Variants in PAX3 observed in about 807,000 individuals in gnomAD.
The protein encoded by PAX3 is paired box protein Pax-3.
In PAX3, 14 loss-of-function variants were observed where a neutral mutation model predicts 51.6. That is an observed-to-expected ratio of 0.27 (90% confidence interval 0.18 to 0.42). PAX3 has a LOEUF of 0.42. Ranked by LOEUF, PAX3 falls within the 10% of genes least tolerant of loss-of-function variation. The pLI is 1.00. For synonymous variants in PAX3, 280 were observed against 253.4 expected (o/e 1.11, Z -1.00); for missense variants, 540 against 642.8 (o/e 0.84, Z 1.73).
chr2:222,225,091 G>C (rs1574652982), intron 5 of PAX3, among the ~76,000 whole-genome samples: 1 of 152,270 alleles, frequency 6.6e-6, no homozygotes, highest in East Asian at 1.9e-4. Flanking sequence ...AGGAAGTGGG[G>C]GCAGGAGGCA....
chr2:222,221,120 C>A, intron 6 of PAX3, 102 bp downstream of exon 6: 1 of 1,103,220 alleles, frequency 9.1e-7, no homozygotes, highest in Non-Finnish European at 1.4e-6. Flanking sequence ...TTACAATTAA[C>A]AACATGGTGT....
At chr2:222,278,210 G>T (rs1419699494) in intron 4 of PAX3, among the ~76,000 whole-genome samples, 1 of 152,238 alleles carries the variant, frequency 6.6e-6, no homozygotes, top group South Asian at 2.1e-4. Context: ...TGTTTCTAAG[G>T]ATCTCAAGAG....
chr2:222,278,602 G>C (rs746920466), intron 4 of PAX3, among the ~76,000 whole-genome samples: 45 of 152,356 alleles, frequency 3.0e-4, no homozygotes, highest in Admixed American at 1.4e-3. Context: ...AAATCCACTT[G>C]TGGTGGAGGG....
rs781585385 is a variant in PAX3, at chr2:222,298,619, G to A, written c.-4C>T. ...CAGCGCCGGCCAGCGTGGTCATCCT[G>A]GGGGCAGCTTCGCTCGGAAATTATA... On this transcript the variant is annotated 5_prime_UTR_variant, in exon 1 of 9. Coordinates refer to ENST00000392070, the MANE Select transcript of PAX3 (RefSeq NM_181458.4). The A allele has an allele frequency of 6.2e-7, 1 of 1,602,976 alleles. No homozygotes were observed. The highest frequency in any genetic ancestry group is 8.5e-7 in the Non-Finnish European group (1 of 1,175,064).
At chr2:222,297,530 G>T (rs1695369073) in intron 1 of PAX3, among the ~76,000 whole-genome samples, 1 of 152,220 alleles carries the variant, frequency 6.6e-6, no homozygotes, top group Non-Finnish European at 1.5e-5. Flanking sequence ...AGAGAGTCTA[G>T]CTTGCTCTAG....
Position 222,261,428 on chromosome 2 carries a change from C to T in PAX3, c.587-29145G>A, listed in dbSNP as rs1404237938. Reference sequence around the variant, plus strand: ...AAATCTAAATACCTAGCACACATGTCAATTTGTATGGAACATTACAACACA... The same window carrying T: ...AAATCTAAATACCTAGCACACATGTTAATTTGTATGGAACATTACAACACA... On this transcript the variant is annotated intron_variant, in intron 4 of 8. Coordinates refer to ENST00000392070, the MANE Select transcript of PAX3 (RefSeq NM_181458.4). 2.0e-5 allele frequency among the ~76,000 whole-genome samples: 3 copies of T among 152,074 alleles called. No homozygotes were observed. The East Asian group carries it at 5.8e-4, about 29-fold the overall frequency.
intron 4 of PAX3, among the ~76,000 whole-genome samples, chr2:222,285,527 C>A (rs2106182242): frequency 1.3e-5 from 2 of 152,186 alleles, no homozygotes; most frequent in South Asian, 4.1e-4. Flanking sequence ...TATCTGTGTG[C>A]CTGTAAAAAT....
At chr2:222,294,038 C>G in intron 4 of PAX3, 129 bp downstream of exon 4, 1 of 1,564,620 alleles carries the variant, frequency 6.4e-7, no homozygotes, top group Non-Finnish European at 8.6e-7. Context: ...GTTACTCAGG[C>G]GCAGAGACAC....
chr2:222,260,565 G>GTTTTTTTTTTTGT (rs1693810480), intron 4 of PAX3, among the ~76,000 whole-genome samples: 2 of 55,844 alleles, frequency 3.6e-5, no homozygotes, highest in African/African-American at 6.1e-5. Flanking sequence ...TTTTTTTTTT[G>GTTTTTTTTTTTGT]TTTTTTTTTT....
At chr2:222,258,696 T>G (rs1016690607) in intron 4 of PAX3, among the ~76,000 whole-genome samples, 2 of 152,210 alleles carry the variant, frequency 1.3e-5, no homozygotes, top group Non-Finnish European at 2.9e-5. Flanking sequence ...AGGAAGAACC[T>G]TTAAGCTTGG....
intron 4 of PAX3, among the ~76,000 whole-genome samples, chr2:222,244,541 C>A (rs1351980743): frequency 6.6e-6 from 1 of 152,052 alleles, no homozygotes; most frequent in Non-Finnish European, 1.5e-5. Flanking sequence ...TCTTGTTAAC[C>A]AGTCCTACCA....
intron 7 of PAX3, among the ~76,000 whole-genome samples, chr2:222,202,779 T>C (rs1247555167): frequency 2.6e-5 from 4 of 151,266 alleles, no homozygotes; most frequent in Non-Finnish European, 4.4e-5. Flanking sequence ...TTTACTCCTT[T>C]CCTGATGGTC....
intron 4 of PAX3, chr2:222,293,655 T>C (rs1415935640): frequency 6.2e-7 from 1 of 1,613,970 alleles, no homozygotes; most frequent in Non-Finnish European, 8.5e-7. Context: ...GACATATTTA[T>C]AAGGCAGCCA....
chr2:222,257,585 C>T (rs1274970962), intron 4 of PAX3, among the ~76,000 whole-genome samples: 2 of 152,198 alleles, frequency 1.3e-5, no homozygotes, highest in African/African-American at 4.8e-5. Context: ...TTGAAAAAGT[C>T]ATCTAAATTG....
intron 4 of PAX3, among the ~76,000 whole-genome samples, chr2:222,252,599 C>T (rs1295697836): frequency 6.6e-6 from 1 of 152,106 alleles, no homozygotes; most frequent in African/African-American, 2.4e-5. Context: ...TCCCATTATC[C>T]ACAGCATAAT....
chr2:222,225,125 A>G (rs1692336775), intron 5 of PAX3, among the ~76,000 whole-genome samples: 1 of 152,208 alleles, frequency 6.6e-6, no homozygotes, highest in Admixed American at 6.5e-5. Flanking sequence ...AACCTACTAT[A>G]CTATTAGACA....
chr2:222,254,101 G>T (rs2106130873), intron 4 of PAX3, among the ~76,000 whole-genome samples: 2 of 151,666 alleles, frequency 1.3e-5, no homozygotes, highest in East Asian at 3.9e-4. Flanking sequence ...CAAATGACAA[G>T]TTTTTTTTTA....
intron 4 of PAX3, among the ~76,000 whole-genome samples, chr2:222,240,488 A>G (rs1435308110): frequency 1.3e-5 from 2 of 152,216 alleles, no homozygotes; most frequent in Non-Finnish European, 2.9e-5. Context: ...CCTTTCTAAC[A>G]ACAGCAGCAA....
At position 222,201,662 on chromosome 2, in the gene PAX3, T is replaced by A. The variant is rs1691297129; in HGVS notation, c.1421-220A>T. The A allele has an allele frequency of 1.4e-5, 19 of 1,374,348 alleles. No homozygotes were observed. In the South Asian group the frequency reaches 2.8e-4, roughly 20 times the overall value. 85.1% of individuals were successfully genotyped at this position (1,374,348 alleles called of 1,614,324 possible). Reference sequence around the variant, plus strand: ...CCTCATTAAGAACATGTGTTTCTAATGTCAGGGATTATTTCATTTTGGCCA... The same window carrying A: ...CCTCATTAAGAACATGTGTTTCTAAAGTCAGGGATTATTTCATTTTGGCCA... On this transcript the variant is annotated intron_variant, in intron 8 of 8. Transcript: ENST00000392070.
Sources: gnomAD v4.1 joint callset for allele counts (sites outside exome capture counted in the v4.1 genomes callset) on GRCh38, gnomAD v4.1.1 for gene constraint, MANE v1.5 for transcripts, NCBI Gene and HGNC (gene_info 2026-07-23, HGNC 2026-07-21) for gene names.